Variants in CEP126 observed in about 807,000 individuals in gnomAD.
The protein encoded by CEP126 is centrosomal protein of 126 kDa.
In CEP126, 74 loss-of-function variants were observed where a neutral mutation model predicts 107.8. The observed-to-expected ratio is 0.69, with a 90% confidence interval of 0.57 to 0.83. The LOEUF (loss-of-function observed/expected upper bound fraction) is 0.83. Among genes scored for constraint, CEP126 ranks in the 40% least tolerant of loss-of-function variants. The pLI, the probability that CEP126 is intolerant of heterozygous loss-of-function variation, is 0.00. For synonymous variants in CEP126, 449 were observed against 446.0 expected (o/e 1.01, Z -0.08); for missense variants, 1,237 against 1,281.9 (o/e 0.96, Z 0.53).
intron 9 of CEP126, among the ~76,000 whole-genome samples, chr11:101,987,670 A>G (rs1305788625): frequency 6.6e-6 from 1 of 152,082 alleles, no homozygotes; most frequent in African/African-American, 2.4e-5. Context: ...TTTTCTAAAA[A>G]AAAAAAAAAG....
chr11:101,996,026 T>C (rs1414707732), intron 10 of CEP126, among the ~76,000 whole-genome samples: 2 of 152,220 alleles, frequency 1.3e-5, no homozygotes, highest in African/African-American at 4.8e-5. Flanking sequence ...GAAGCCATTA[T>C]TGTTAGAAGA....
At chr11:101,957,102 G>T (rs913443255) in intron 4 of CEP126, among the ~76,000 whole-genome samples, 4 of 152,130 alleles carry the variant, frequency 2.6e-5, no homozygotes, top group Admixed American at 1.3e-4. Flanking sequence ...ATACCTTCTT[G>T]CTCTCCCTGA....
intron 6 of CEP126, among the ~76,000 whole-genome samples, chr11:101,972,923 A>G (rs969572361): frequency 6.6e-6 from 1 of 152,174 alleles, no homozygotes; most frequent in Non-Finnish European, 1.5e-5. Flanking sequence ...GAATTATTTT[A>G]TCTGTGTTCT....
chr11:101,969,573 T>C (rs1386055147), intron 6 of CEP126, among the ~76,000 whole-genome samples: 1 of 152,194 alleles, frequency 6.6e-6, no homozygotes, highest in Non-Finnish European at 1.5e-5. Flanking sequence ...AATCCGTAAA[T>C]GTAGTATAAT....
At chr11:101,961,142 A>G (rs1185278500) in intron 5 of CEP126, among the ~76,000 whole-genome samples, 1 of 152,098 alleles carries the variant, frequency 6.6e-6, no homozygotes, top group Non-Finnish European at 1.5e-5. Context: ...AATTTAAATA[A>G]TACCAGTATA....
At chr11:101,974,558 T>G (rs1024359317) in intron 6 of CEP126, among the ~76,000 whole-genome samples, 6 of 152,186 alleles carry the variant, frequency 3.9e-5, no homozygotes, top group Non-Finnish European at 7.4e-5. Flanking sequence ...AAACTATAAT[T>G]TTGAGAATGT....
chr11:101,938,286 G>A (rs1940620442), intron 2 of CEP126, among the ~76,000 whole-genome samples: 1 of 150,592 alleles, frequency 6.6e-6, no homozygotes, highest in African/African-American at 2.4e-5. Flanking sequence ...GTGATACCCT[G>A]TCTTGCATTC....
At chr11:101,930,606 G>A (rs961363038) in intron 2 of CEP126, among the ~76,000 whole-genome samples, 3 of 152,138 alleles carry the variant, frequency 2.0e-5, no homozygotes, top group Non-Finnish European at 2.9e-5. Context: ...TGGCTCTGGT[G>A]GCCAGCTTTT....
chr11:101,939,121 TGATACTTTTTTCCA>T (rs1398945668), intron 2 of CEP126, among the ~76,000 whole-genome samples: 2 of 152,210 alleles, frequency 1.3e-5, no homozygotes, highest in Non-Finnish European at 2.9e-5. Flanking sequence ...ATATTCTTAC[TGATACTTTTTTCCA>T]GATACTTTTT....
At chr11:101,931,595 A>G (rs778125614) in intron 2 of CEP126, among the ~76,000 whole-genome samples, 2 of 152,136 alleles carry the variant, frequency 1.3e-5, no homozygotes, top group Non-Finnish European at 2.9e-5. Flanking sequence ...ATTTATCCTT[A>G]TTTTTAATTT....
intron 6 of CEP126, among the ~76,000 whole-genome samples, chr11:101,970,958 T>C (rs1173103133): frequency 6.6e-6 from 1 of 152,186 alleles, no homozygotes; most frequent in African/African-American, 2.4e-5. Flanking sequence ...TCTTAACTAT[T>C]GAGCTACTTT....
intron 6 of CEP126, among the ~76,000 whole-genome samples, chr11:101,966,990 CTACTTTCTCATT>C (rs1166159125): frequency 1.3e-5 from 2 of 149,096 alleles, no homozygotes; most frequent in Non-Finnish European, 3.0e-5. Flanking sequence ...AGTATTTTCT[CTACTTTCTCATT>C]CCAATTCATC....
chr11:101,969,741 G>A (rs905035177), intron 6 of CEP126, among the ~76,000 whole-genome samples: 1 of 152,092 alleles, frequency 6.6e-6, no homozygotes, highest in Admixed American at 6.5e-5. Flanking sequence ...TTACAATATG[G>A]CATTTTTACA....
At chr11:101,947,296 T>C (rs1940749284) in intron 3 of CEP126, among the ~76,000 whole-genome samples, 1 of 152,152 alleles carries the variant, frequency 6.6e-6, no homozygotes, top group South Asian at 2.1e-4. Flanking sequence ...ATAGATACCA[T>C]GTATAGATAG....
At chr11:101,963,917 T>C (rs780564810) in intron 6 of CEP126, 37 bp downstream of exon 6, 1 of 1,348,170 alleles carries the variant, frequency 7.4e-7, no homozygotes, top group African/African-American at 1.5e-5. Flanking sequence ...AGATAAAATG[T>C]ACACCTTTGT....
chr11:101,961,681 T>C, intron 5 of CEP126, 60 bp from the exon 6 acceptor site: 1 of 909,190 alleles, frequency 1.1e-6, no homozygotes, highest in Non-Finnish European at 1.7e-6. Context: ...GTATGTTGAA[T>C]CGTTAATCTT....
intron 8 of CEP126, among the ~76,000 whole-genome samples, chr11:101,983,859 C>G (rs1400526770): frequency 6.6e-6 from 1 of 152,212 alleles, no homozygotes; most frequent in Admixed American, 6.5e-5. Flanking sequence ...TGTGTCCTCA[C>G]TGATTTCAAG....
intron 4 of CEP126, 138 bp from the exon 5 acceptor site, chr11:101,958,030 A>G (rs1403417595): frequency 4.1e-6 from 3 of 729,274 alleles, no homozygotes; most frequent in Admixed American, 4.8e-5. Flanking sequence ...TAACATGTCT[A>G]TATATTTCTC....
At chr11:101,965,673 C>T (rs1191737294) in intron 6 of CEP126, among the ~76,000 whole-genome samples, 1 of 152,078 alleles carries the variant, frequency 6.6e-6, no homozygotes, top group Non-Finnish European at 1.5e-5. Flanking sequence ...ATGATAGTTA[C>T]CCTTTTTGAG....
Sources: gnomAD v4.1 joint callset for allele counts (sites outside exome capture counted in the v4.1 genomes callset) on GRCh38, gnomAD v4.1.1 for gene constraint, MANE v1.5 for transcripts, NCBI Gene and HGNC (gene_info 2026-07-23, HGNC 2026-07-21) for gene names.